CFAP47: variants seen among roughly 807,000 people sequenced by gnomAD.
CFAP47 encodes cilia and flagella associated protein 47, also known as cilia- and flagella-associated protein 47.
In CFAP47, 29 loss-of-function variants were observed where a neutral mutation model predicts 148.1. The observed-to-expected ratio is 0.20, with a 90% confidence interval of 0.15 to 0.27. The LOEUF (loss-of-function observed/expected upper bound fraction) is 0.27. Ranked by LOEUF, CFAP47 falls within the 10% of genes least tolerant of loss-of-function variation. The pLI, the probability that CFAP47 is intolerant of heterozygous loss-of-function variation, is 1.00. For synonymous variants in CFAP47, 664 were observed against 577.3 expected (o/e 1.15, Z -2.15); for missense variants, 1,872 against 1,697.5 (o/e 1.10, Z -1.81).
rs1025183673 is a variant in CFAP47, at chrX:36,323,757, A to C, written c.8443+4450A>C. 3.9e-4 allele frequency among the ~76,000 whole-genome samples: 41 copies of C among 104,378 alleles called. No homozygotes were observed. The Admixed American group carries it at 4.1e-3, about 10-fold the overall frequency. The allele number at this position is 104,378 out of a possible 115,157, so 90.6% of individuals were successfully genotyped here. ...ATTACTTTCTTTCAGAAATTTTATA[A>C]TTCCTTGTGCTTATAAAGTTGTTTA... On this transcript the variant is annotated intron_variant, in intron 57 of 63. Transcript: ENST00000378653.
chrX:36,041,760 A>G (rs1257505911), intron 25 of CFAP47, among the ~76,000 whole-genome samples: 3 of 109,552 alleles, frequency 2.7e-5, no homozygotes, highest in Non-Finnish European at 3.8e-5. Flanking sequence ...CATCTCTACT[A>G]AAAATATTAA....
intron 1 of CFAP47, among the ~76,000 whole-genome samples, chrX:35,923,831 G>GTA (rs760776173): frequency 0.015 from 1,338 of 92,160 alleles, 82 homozygotes; most frequent in African/African-American, 0.049. Flanking sequence ...AAAAAAAAGT[G>GTA]TATATATATA....
At chrX:36,004,149 A>G (rs1936953198) in intron 21 of CFAP47, among the ~76,000 whole-genome samples, 1 of 106,517 alleles carries the variant, frequency 9.4e-6, no homozygotes. Flanking sequence ...ATTTTTGTAT[A>G]TTTTTTTAGT....
intron 33 of CFAP47, among the ~76,000 whole-genome samples, chrX:36,118,472 A>G (rs939886170): frequency 2.7e-5 from 3 of 109,905 alleles, no homozygotes; most frequent in African/African-American, 6.6e-5. Context: ...TAATTAATTT[A>G]TTTATTTATT....
intron 49 of CFAP47, among the ~76,000 whole-genome samples, chrX:36,278,557 G>A (rs905660360): frequency 5.4e-5 from 6 of 112,019 alleles, no homozygotes; most frequent in Non-Finnish European, 9.4e-5. Flanking sequence ...TAGGTGAGGC[G>A]ATGCCCTGCC....
intron 56 of CFAP47, among the ~76,000 whole-genome samples, chrX:36,318,025 G>A (rs1556011367): frequency 9.0e-6 from 1 of 111,075 alleles, no homozygotes; most frequent in African/African-American, 3.3e-5. Flanking sequence ...ATATTCCCAG[G>A]TCCACATTCA....
chrX:36,034,651 C>G (rs780805321), intron 23 of CFAP47, among the ~76,000 whole-genome samples: 1 of 109,999 alleles, frequency 9.1e-6, no homozygotes, highest in East Asian at 2.8e-4. Context: ...CTGCTTTGGC[C>G]ATTATAAGCT....
At position 35,924,290 on chromosome X, in the gene CFAP47, T is replaced by C. The variant is rs185704159; in HGVS notation, c.250-1727T>C. Among the ~76,000 whole-genome samples, 405 of 102,101 alleles carry C rather than the reference T, an allele frequency of 4.0e-3. 28 individuals are homozygous for C. Among genetic ancestry groups the C allele is most frequent in the African/African-American group, 0.016 (380 of 23,907 alleles). 88.7% of individuals were successfully genotyped at this position (102,101 alleles called of 115,157 possible). A position where few individuals can be genotyped will look rare whatever the true frequency, so the allele number is the denominator to read the frequency against. On this transcript the variant is annotated intron_variant, in intron 1 of 63. Coordinates refer to ENST00000378653, the MANE Select transcript of CFAP47 (RefSeq NM_001304548.2). ...GTACATGTATGTGTATATGTACATG[T>C]ATGTGTACACATATGTATATATGTA...
Position 36,310,818 on chromosome X carries a change from C to G in CFAP47, c.8188-15C>G. 1 of 1,120,529 alleles carries G rather than the reference C, an allele frequency of 8.9e-7. No homozygotes were observed. The highest frequency in any genetic ancestry group is 1.2e-6 in the Non-Finnish European group (1 of 840,864). The allele number at this position is 1,120,529 out of a possible 1,213,427, so 92.3% of individuals were successfully genotyped here. A position where few individuals can be genotyped will look rare whatever the true frequency, so the allele number is the denominator to read the frequency against. ...AGTTAGGACACATAAGTTACGAATACTTATCTTCAAACAGTTTACAGAATG... is the reference window on the plus strand; with the variant it reads ...AGTTAGGACACATAAGTTACGAATAGTTATCTTCAAACAGTTTACAGAATG... On this transcript the variant is annotated splice_polypyrimidine_tract_variant and intron_variant, in intron 55 of 63. Coordinates refer to ENST00000378653, the MANE Select transcript of CFAP47 (RefSeq NM_001304548.2).
At chrX:35,929,642 A>G (rs1005032710) in intron 2 of CFAP47, among the ~76,000 whole-genome samples, 3 of 110,880 alleles carry the variant, frequency 2.7e-5, no homozygotes, top group Non-Finnish European at 5.7e-5. Context: ...ATTCAAAAGC[A>G]TATGCTTTTT....
At chrX:36,226,689 A>G (rs782189967) in intron 45 of CFAP47, among the ~76,000 whole-genome samples, 12 of 111,536 alleles carry the variant, frequency 1.1e-4, no homozygotes, top group Non-Finnish European at 2.1e-4. Context: ...TAAACATTTC[A>G]TGAGTTGGAA....
intron 22 of CFAP47, among the ~76,000 whole-genome samples, chrX:36,022,655 TTTTTTA>T (rs1041119833): frequency 2.7e-5 from 3 of 111,230 alleles, no homozygotes; most frequent in South Asian, 3.8e-4. Context: ...ATGCTTAATT[TTTTTTA>T]TTTTTATTTT....
chrX:36,155,006 A>G (rs772520328), intron 37 of CFAP47, among the ~76,000 whole-genome samples: 2 of 110,984 alleles, frequency 1.8e-5, no homozygotes, highest in Non-Finnish European at 3.8e-5. Context: ...TATTTCTCAC[A>G]GTTCTAGAGT....
intron 2 of CFAP47, among the ~76,000 whole-genome samples, chrX:35,932,786 C>T (rs780056255): frequency 2.9e-4 from 32 of 110,189 alleles, no homozygotes; most frequent in Admixed American, 4.8e-4. Flanking sequence ...GCCACCATGC[C>T]CAGCTAATTT....
chrX:36,263,337 C>G (rs1387823101), intron 49 of CFAP47, among the ~76,000 whole-genome samples: 1 of 111,851 alleles, frequency 8.9e-6, no homozygotes, highest in Non-Finnish European at 1.9e-5. Context: ...TTATCCTTGA[C>G]CTTTGGGAGT....
chrX:36,328,352 A>G (rs1227514112), intron 57 of CFAP47, among the ~76,000 whole-genome samples: 1 of 112,086 alleles, frequency 8.9e-6, no homozygotes, highest in Non-Finnish European at 1.9e-5. Context: ...ATTGATTGGA[A>G]CACCTAATAT....
Position 35,926,013 on chromosome X carries a change from G to T in CFAP47, c.250-4G>T, listed in dbSNP as rs759937254. On this transcript the variant is annotated splice_region_variant and splice_polypyrimidine_tract_variant and intron_variant, in intron 1 of 63. Coordinates refer to ENST00000378653, the MANE Select transcript of CFAP47 (RefSeq NM_001304548.2). ...ATAATTTGACTCTCTTTCTCCCACT[G>T]AAGTTCAAACTGATGTTGACCAGTC... The T allele has an allele frequency of 1.5e-5, 18 of 1,187,437 alleles. No individual in the cohort carries two copies. The highest frequency in any genetic ancestry group is 2.0e-5 in the Non-Finnish European group (18 of 881,938).
At chrX:36,134,302 G>A (rs1319698971) in intron 33 of CFAP47, among the ~76,000 whole-genome samples, 3 of 111,043 alleles carry the variant, frequency 2.7e-5, no homozygotes, top group African/African-American at 9.8e-5. Context: ...GTCAATATCA[G>A]TAAGTTGACT....
intron 1 of CFAP47, among the ~76,000 whole-genome samples, chrX:35,923,947 G>A (rs1935635066): frequency 1.4e-5 from 1 of 72,232 alleles, no homozygotes; most frequent in Non-Finnish European, 2.5e-5. Context: ...ATATGTACAT[G>A]TGTATATATG....
Sources: allele counts gnomAD v4.1 joint callset (sites outside exome capture counted in the v4.1 genomes callset), GRCh38; gene constraint gnomAD v4.1.1; transcripts MANE v1.5; gene names NCBI Gene and HGNC (gene_info 2026-07-23, HGNC 2026-07-21).